MYO9B: variants seen among roughly 807,000 people sequenced by gnomAD.
MYO9B encodes the protein unconventional myosin-IXb.
In MYO9B, 71 loss-of-function variants were observed where a neutral mutation model predicts 229.5. The observed-to-expected ratio is 0.31, with a 90% confidence interval of 0.26 to 0.38. MYO9B has a LOEUF of 0.38. MYO9B is among the 10% of genes least tolerant of loss of function. MYO9B has a pLI of 1.00. For missense variants in MYO9B, 2,255 were observed against 2,920.5 expected, an observed-to-expected ratio of 0.77 and a Z score of 5.25; for synonymous variants, 1,185 against 1,235.8, an observed-to-expected ratio of 0.96 and a Z score of 0.86.
At chr19:17,210,221 C>T in intron 36 of MYO9B, 112 bp from the exon 37 acceptor site, 3 of 1,119,134 alleles carry the variant, frequency 2.7e-6, no homozygotes, top group Admixed American at 5.6e-5. Context: ...GCTCTGGGCT[C>T]CTGTGGGAAC....
At chr19:17,089,568 C>T (rs1038195458) in intron 1 of MYO9B, among the ~76,000 whole-genome samples, 5 of 152,146 alleles carry the variant, frequency 3.3e-5, no homozygotes, top group African/African-American at 1.2e-4. Context: ...GCCTTGAGAG[C>T]GGCTAATTCA....
Position 17,211,944 on chromosome 19 carries a change from C to T in MYO9B, c.6108C>T (p.Pro2036=), listed in dbSNP as rs1206826077. 1 of 1,559,566 alleles carries T rather than the reference C, an allele frequency of 6.4e-7. No individual in the cohort carries two copies. The highest frequency in any genetic ancestry group is 1.2e-5 in the South Asian group (1 of 84,318). ...LPCPGAPTPS[P]LPTVAAPPRR... Reference sequence around the variant, plus strand: ...GCCCCGGCGCGCCCACCCCGAGCCCCCTCCCCACCGTGGCCGCCCCTCCAC... The same window carrying T: ...GCCCCGGCGCGCCCACCCCGAGCCCTCTCCCCACCGTGGCCGCCCCTCCAC... Residue 2036 remains proline, a synonymous_variant, in exon 40 of 40, where the codon CCC becomes CCT. Coordinates refer to ENST00000682292, the MANE Select transcript of MYO9B (RefSeq NM_004145.4).
At chr19:17,161,543 C>T (rs980552546) in intron 8 of MYO9B, among the ~76,000 whole-genome samples, 2 of 152,072 alleles carry the variant, frequency 1.3e-5, no homozygotes, top group Non-Finnish European at 2.9e-5. Context: ...AGGCCAGGCA[C>T]GGTGGCTCAC....
intron 23 of MYO9B, 148 bp downstream of exon 23, chr19:17,198,006 C>A: frequency 7.6e-7 from 1 of 1,313,398 alleles, no homozygotes; most frequent in Non-Finnish European, 1.0e-6. Flanking sequence ...TGTAGTGAGC[C>A]TCGCGAGACC....
At chr19:17,104,162 T>A (rs1451597324) in intron 2 of MYO9B, among the ~76,000 whole-genome samples, 1 of 152,006 alleles carries the variant, frequency 6.6e-6, no homozygotes, top group Non-Finnish European at 1.5e-5. Context: ...CAAACCAGTT[T>A]GAGGAGTGCT....
chr19:17,158,767 T>C lies in MYO9B; in HGVS notation c.1330-628T>C, dbSNP rs191030029. Among the ~76,000 whole-genome samples, 914 of 152,132 alleles carry C rather than the reference T, an allele frequency of 6.0e-3. 6 individuals are homozygous for C. Among genetic ancestry groups the C allele is most frequent in the African/African-American group, 0.02 (834 of 41,528 alleles). On this transcript the variant is annotated intron_variant, in intron 7 of 39. Coordinates refer to ENST00000682292, the MANE Select transcript of MYO9B (RefSeq NM_004145.4). The stretch of plus-strand genomic sequence containing the variant: ...AATGGATGGGAACCACCAGCTCCAA[T>C]AGGCAAGGCGGCCACCTGGACCCGT...
chr19:17,111,976 G>A (rs2057851854), intron 2 of MYO9B, among the ~76,000 whole-genome samples: 1 of 152,148 alleles, frequency 6.6e-6, no homozygotes, highest in African/African-American at 2.4e-5. Context: ...TCCTTTTCAT[G>A]GCTGCATCAT....
rs1223015305 is a variant in MYO9B at position 17,195,734 on chromosome 19, AG to A, written c.4046+263del. ...CACAGAAAGGCCCCGGCCTTGAGAG[AG>A]GTGGCTCCTCAGGTCAAGGTCCCTG... On this transcript the variant is annotated intron_variant, in intron 22 of 39. Coordinates refer to ENST00000682292, the MANE Select transcript of MYO9B (RefSeq NM_004145.4). The surrounding 1 kb of genome is among the most constrained non-coding windows in gnomAD (Gnocchi z 4.5). 6.6e-6 allele frequency among the ~76,000 whole-genome samples: 1 copy of A among 152,124 alleles called. No homozygotes were observed. Among genetic ancestry groups the A allele is most frequent in the East Asian group, 1.9e-4 (1 of 5,172 alleles).
At chr19:17,107,015 A>G (rs556001214) in intron 2 of MYO9B, among the ~76,000 whole-genome samples, 191 of 152,248 alleles carry the variant, frequency 1.3e-3, no homozygotes, top group African/African-American at 4.5e-3. Context: ...GTGAGCCAAT[A>G]TCGCACCATT....
intron 15 of MYO9B, among the ~76,000 whole-genome samples, chr19:17,182,869 CT>C (rs2072876517): frequency 6.6e-6 from 1 of 152,118 alleles, no homozygotes; most frequent in Non-Finnish European, 1.5e-5. Context: ...CATAAGGTGT[CT>C]GAGAACACAG....
At chr19:17,141,968 G>C (rs900044447) in intron 2 of MYO9B, among the ~76,000 whole-genome samples, 2 of 152,116 alleles carry the variant, frequency 1.3e-5, no homozygotes, top group African/African-American at 4.8e-5. Flanking sequence ...CTTGAGGCCG[G>C]GAGTTCAAGA....
intron 1 of MYO9B, among the ~76,000 whole-genome samples, chr19:17,087,658 G>A (rs1036413142): frequency 5.9e-5 from 9 of 152,106 alleles, no homozygotes; most frequent in South Asian, 2.1e-4. Flanking sequence ...GGCCAGGCAC[G>A]GTGCCTCACA....
chr19:17,210,443 C>G, intron 37 of MYO9B, 63 bp downstream of exon 37: 1 of 1,489,638 alleles, frequency 6.7e-7, no homozygotes, highest in Admixed American at 2.3e-5. Flanking sequence ...CTGGGGTTCC[C>G]TGGGGCCCTG....
intron 2 of MYO9B, among the ~76,000 whole-genome samples, chr19:17,129,247 A>G (rs879533468): frequency 1.6e-4 from 24 of 152,032 alleles, no homozygotes; most frequent in African/African-American, 5.3e-4. Flanking sequence ...TACAAATACA[A>G]TAAAATTAGC....
At chr19:17,131,097 CAG>C (rs1330276781) in intron 2 of MYO9B, among the ~76,000 whole-genome samples, 1 of 152,136 alleles carries the variant, frequency 6.6e-6, no homozygotes, top group Non-Finnish European at 1.5e-5. Context: ...GCTGTATGCT[CAG>C]TGTTTCCTCT....
At chr19:17,196,236 G>C (rs2073041762) in intron 22 of MYO9B, among the ~76,000 whole-genome samples, 1 of 151,812 alleles carries the variant, frequency 6.6e-6, no homozygotes, top group Non-Finnish European at 1.5e-5. Flanking sequence ...ATGGATGGAT[G>C]GAAAATGATA....
intron 1 of MYO9B, among the ~76,000 whole-genome samples, chr19:17,099,633 G>A (rs1568660275): frequency 2.0e-5 from 3 of 151,940 alleles, no homozygotes; most frequent in Admixed American, 6.6e-5. Flanking sequence ...GGCTAACATG[G>A]TGAAACTCCA....
At chr19:17,127,580 T>C (rs1222876761) in intron 2 of MYO9B, among the ~76,000 whole-genome samples, 1 of 152,170 alleles carries the variant, frequency 6.6e-6, no homozygotes, top group Non-Finnish European at 1.5e-5. Context: ...CCGCCCTCCT[T>C]GGCCTCCCAA....
At chr19:17,204,440 C>T (rs999393024) in intron 30 of MYO9B, among the ~76,000 whole-genome samples, 6 of 151,218 alleles carry the variant, frequency 4.0e-5, no homozygotes, top group South Asian at 2.1e-4. Context: ...CTCATGGTTC[C>T]GCTAGCCAGG....
Sources: allele counts gnomAD v4.1 joint callset (sites outside exome capture counted in the v4.1 genomes callset), GRCh38; gene constraint gnomAD v4.1.1; non-coding constraint Gnocchi (gnomAD v3.1); transcripts MANE v1.5; gene names NCBI Gene and HGNC (gene_info 2026-07-23, HGNC 2026-07-21).